HPRT1: variants seen among roughly 807,000 people sequenced by gnomAD.
The protein encoded by HPRT1 is hypoxanthine phosphoribosyltransferase 1, also known as hypoxanthine-guanine phosphoribosyltransferase.
In HPRT1, 4 loss-of-function variants were observed where a neutral mutation model predicts 19.0. The observed-to-expected ratio is 0.21, with a 90% CI of 0.10 to 0.48. The LOEUF is 0.48. Among genes scored for constraint, HPRT1 ranks in the 20% least tolerant of loss-of-function variants. HPRT1 has a pLI of 0.98. For missense variants in HPRT1, 65 were observed against 164.0 expected, an observed-to-expected ratio of 0.40 and a Z score of 3.30; for synonymous variants, 53 against 54.9, an observed-to-expected ratio of 0.97 and a Z score of 0.15.
intron 2 of HPRT1, among the ~76,000 whole-genome samples, chrX:134,474,545 G>A (rs1457600944): frequency 9.2e-6 from 1 of 108,582 alleles, no homozygotes; most frequent in Admixed American, 1.0e-4. Context: ...TCAGCCTCCT[G>A]AGTAGCTGGG....
intron 4 of HPRT1, among the ~76,000 whole-genome samples, chrX:134,488,085 T>C (rs1382139235): frequency 1.8e-5 from 2 of 111,721 alleles, no homozygotes; most frequent in African/African-American, 6.5e-5. Context: ...GTGAAAGTTA[T>C]TTCTTGGTGG....
At chrX:134,498,135 A>G (rs112804560) in intron 6 of HPRT1, among the ~76,000 whole-genome samples, 1 of 111,586 alleles carries the variant, frequency 9.0e-6, no homozygotes, top group South Asian at 3.7e-4. Context: ...GTCAGGGTGC[A>G]GGTCTCAGAA....
Position 134,500,191 on chromosome X carries a change from C to T in HPRT1, c.*114C>T, listed in dbSNP as rs2077691970. On this transcript the variant is annotated 3_prime_UTR_variant, in exon 9 of 9. Coordinates refer to ENST00000298556, the MANE Select transcript of HPRT1 (RefSeq NM_000194.3). ...GCTTAGTAGAGCTTTTTGCATGTAT[C>T]TTCTAAGAATTTTATCTGTTTTGTA... 7 of 567,097 alleles carry T rather than the reference C, an allele frequency of 1.2e-5. No homozygotes were observed. Among genetic ancestry groups the T allele is most frequent in the Non-Finnish European group, 2.2e-5 (7 of 321,174 alleles). 46.7% of individuals were successfully genotyped at this position (567,097 alleles called of 1,213,427 possible).
chrX:134,477,761 C>T (rs1269619021), intron 3 of HPRT1, among the ~76,000 whole-genome samples: 1 of 112,173 alleles, frequency 8.9e-6, no homozygotes, highest in Non-Finnish European at 1.9e-5. Context: ...GTGGCCTTGA[C>T]CTTCTGGGCT....
At chrX:134,479,525 C>T (rs919238647) in intron 3 of HPRT1, among the ~76,000 whole-genome samples, 3 of 112,220 alleles carry the variant, frequency 2.7e-5, no homozygotes, top group African/African-American at 6.5e-5. Context: ...CCGCCTCGGA[C>T]TCCCAAAATG....
At chrX:134,490,656 C>T (rs1444727434) in intron 5 of HPRT1, among the ~76,000 whole-genome samples, 1 of 106,360 alleles carries the variant, frequency 9.4e-6, no homozygotes, top group Non-Finnish European at 1.9e-5. Flanking sequence ...CCTAGGGTTA[C>T]CAGCTAGTAA....
chrX:134,481,903 A>G (rs2077641509), intron 3 of HPRT1, among the ~76,000 whole-genome samples: 1 of 111,938 alleles, frequency 8.9e-6, no homozygotes, highest in African/African-American at 3.2e-5. Flanking sequence ...CAGCCATGAG[A>G]AGTGGTTCTG....
chrX:134,472,554 A>G (rs1233531088), intron 1 of HPRT1, among the ~76,000 whole-genome samples: 4 of 111,400 alleles, frequency 3.6e-5, no homozygotes, highest in Non-Finnish European at 7.5e-5. Flanking sequence ...ATATAGTTAC[A>G]TGGTTTTTTG....
chrX:134,477,960 G>C (rs2077630120), intron 3 of HPRT1, among the ~76,000 whole-genome samples: 1 of 112,087 alleles, frequency 8.9e-6, no homozygotes, highest in South Asian at 3.7e-4. Flanking sequence ...ACAGGCTTGA[G>C]TCACCATGCC....
intron 3 of HPRT1, among the ~76,000 whole-genome samples, chrX:134,480,453 TG>T (rs1231120797): frequency 2.8e-5 from 2 of 72,416 alleles, no homozygotes; most frequent in Non-Finnish European, 4.7e-5. Context: ...TAATTAGAAA[TG>T]TTTTTTTTTT....
At chrX:134,475,415 T>TCA in intron 3 of HPRT1, 51 bp downstream of exon 3, 1 of 835,651 alleles carries the variant, frequency 1.2e-6, no homozygotes, top group Non-Finnish European at 1.8e-6. Context: ...TAGGTTTTCT[T>TCA]ATATTTTCTT....
At chrX:134,483,728 C>T (rs1479123619) in intron 3 of HPRT1, among the ~76,000 whole-genome samples, 1 of 111,686 alleles carries the variant, frequency 9.0e-6, no homozygotes, top group Non-Finnish European at 1.9e-5. Context: ...CTTTGGCCAC[C>T]CAGGTGGGGT....
chrX:134,492,262 A>G lies in HPRT1; in HGVS notation c.403-1246A>G, dbSNP rs891071909. ...TATGCTGAATACCTACGTACCCACA[A>G]AAGTATTAACATTTTGCCATATTTG... is the stretch of plus-strand genomic sequence containing the variant. On this transcript the variant is annotated intron_variant, in intron 5 of 8. Coordinates refer to ENST00000298556, the MANE Select transcript of HPRT1 (RefSeq NM_000194.3). Among the ~76,000 whole-genome samples, 5 of 108,763 alleles carry G rather than the reference A, an allele frequency of 4.6e-5. No individual in the cohort carries two copies. In the Admixed American group the frequency reaches 5.0e-4, roughly 11 times the overall value. 94.4% of individuals were successfully genotyped at this position (108,763 alleles called of 115,157 possible). A position where few individuals can be genotyped will look rare whatever the true frequency, so the allele number is the denominator to read the frequency against.
intron 2 of HPRT1, among the ~76,000 whole-genome samples, chrX:134,474,399 C>T (rs1447084602): frequency 2.9e-5 from 3 of 103,934 alleles, no homozygotes; most frequent in Non-Finnish European, 5.8e-5. Context: ...ATGAGAGTAC[C>T]TTTCTCTTCA....
intron 1 of HPRT1, among the ~76,000 whole-genome samples, chrX:134,467,791 C>T (rs1204140125): frequency 2.8e-5 from 3 of 107,823 alleles, no homozygotes; most frequent in African/African-American, 1.0e-4. Context: ...TACCATAACA[C>T]TTAACCTGTA....
At chrX:134,499,109 T>TC (rs1033398688) in intron 8 of HPRT1, among the ~76,000 whole-genome samples, 7 of 111,890 alleles carry the variant, frequency 6.3e-5, no homozygotes, top group African/African-American at 2.3e-4. Flanking sequence ...GGTTTTTTAC[T>TC]CCATCTTTTT....
chrX:134,493,611 CAG>C, intron 6 of HPRT1, 21 bp downstream of exon 6: 1 of 1,054,107 alleles, frequency 9.5e-7, no homozygotes, highest in Non-Finnish European at 1.3e-6. Flanking sequence ...CATTTTGACA[CAG>C]AATATTTTCC....
intron 3 of HPRT1, among the ~76,000 whole-genome samples, chrX:134,485,486 T>G (rs1277962424): frequency 8.9e-6 from 1 of 112,255 alleles, no homozygotes; most frequent in East Asian, 2.8e-4. Context: ...CGTCTGGAAT[T>G]TATTTTTGTG....
chrX:134,465,737 A>G (rs1183122389), intron 1 of HPRT1, among the ~76,000 whole-genome samples: 2 of 112,414 alleles, frequency 1.8e-5, no homozygotes, highest in Non-Finnish European at 3.8e-5. Context: ...GCAAATGGTA[A>G]GTAACTTAGA....
Sources: gnomAD v4.1 joint callset for allele counts (sites outside exome capture counted in the v4.1 genomes callset) on GRCh38, gnomAD v4.1.1 for gene constraint, MANE v1.5 for transcripts, NCBI Gene and HGNC (gene_info 2026-07-23, HGNC 2026-07-21) for gene names.